DAB1: variants seen among roughly 807,000 people sequenced by gnomAD.
The protein encoded by DAB1 is DAB adaptor protein 1.
A neutral mutation model predicts 64.6 loss-of-function variants in DAB1; 15 were observed. That is an observed-to-expected ratio of 0.23 (90% CI 0.16 to 0.36). The LOEUF is 0.36. Among genes scored for constraint, DAB1 ranks in the 10% least tolerant of loss-of-function variants. DAB1 has a pLI of 1.00. For synonymous variants in DAB1, 235 were observed against 251.9 expected, an observed-to-expected ratio of 0.93 and a Z score of 0.64; for missense variants, 596 against 706.7, an observed-to-expected ratio of 0.84 and a Z score of 1.78.
chr1:57,078,006 T>TA (rs1279745066), intron 4 of DAB1, among the ~76,000 whole-genome samples: 1 of 152,134 alleles, frequency 6.6e-6, no homozygotes, highest in Non-Finnish European at 1.5e-5. Flanking sequence ...TACAAGCAAT[T>TA]ACAGTAGTTA....
rs145406819 is a variant in DAB1 at position 57,272,141 on chromosome 1, GCCAGCTTT to G, written c.67+18815_67+18822del. Among the ~76,000 whole-genome samples, 1,403 of 152,324 alleles carry G rather than the reference GCCAGCTTT, an allele frequency of 9.2e-3. 16 individuals carry two copies. The highest frequency in any genetic ancestry group is 0.032 in the African/African-American group (1,319 of 41,574). On this transcript the variant is annotated intron_variant, in intron 2 of 14. Transcript: ENST00000371236. The stretch of plus-strand genomic sequence containing the variant: ...TGCGGGGCTCCAAGCCCTCAGGAGA[GCCAGCTTT>G]CCAGATTGCTTTTTTCATGAGTGGG...
At chr1:57,596,139 T>C (rs1223659506) in intron 7 of DAB1, among the ~76,000 whole-genome samples, 2 of 152,214 alleles carry the variant, frequency 1.3e-5, no homozygotes, top group East Asian at 1.9e-4. Flanking sequence ...CTGGGAGGCA[T>C]AGACCCTCTC....
At chr1:58,371,820 G>A (rs1045373264) in intron 3 of DAB1, among the ~76,000 whole-genome samples, 1 of 152,210 alleles carries the variant, frequency 6.6e-6, no homozygotes, top group East Asian at 1.9e-4. Flanking sequence ...CAAGCTCCAA[G>A]CACTGCCAGC....
At chr1:58,496,337 T>C (rs1645801748) in intron 3 of DAB1, among the ~76,000 whole-genome samples, 1 of 152,190 alleles carries the variant, frequency 6.6e-6, no homozygotes, top group Non-Finnish European at 1.5e-5. Context: ...CTGAAATGGA[T>C]TTATCTTACA....
At chr1:57,620,085 C>A (rs2101614816) in intron 7 of DAB1, among the ~76,000 whole-genome samples, 1 of 152,266 alleles carries the variant, frequency 6.6e-6, no homozygotes, top group South Asian at 2.1e-4. Context: ...GATCCATGGT[C>A]ATTCCCTCCA....
chr1:58,193,856 A>G (rs965675684), intron 4 of DAB1, among the ~76,000 whole-genome samples: 1 of 146,118 alleles, frequency 6.8e-6, no homozygotes, highest in Non-Finnish European at 1.5e-5. Context: ...AACTCTGTCT[A>G]AAAAAAAAAA....
intron 5 of DAB1, among the ~76,000 whole-genome samples, chr1:57,987,866 C>T (rs533635727): frequency 1.3e-4 from 19 of 148,316 alleles, no homozygotes; most frequent in African/African-American, 4.2e-4. Flanking sequence ...TTCAGGAAAA[C>T]ACTGGTCGGT....
chr1:57,724,286 CG>C (rs1557444142), intron 6 of DAB1, among the ~76,000 whole-genome samples: 276 of 109,688 alleles, frequency 2.5e-3, no homozygotes, highest in South Asian at 0.012. Context: ...AAGGAAGGAA[CG>C]AAGGAAGGAA....
intron 5 of DAB1, among the ~76,000 whole-genome samples, chr1:58,069,380 G>C (rs1031527291): frequency 6.6e-6 from 1 of 152,154 alleles, no homozygotes; most frequent in African/African-American, 2.4e-5. Context: ...TTACTGTCCT[G>C]ATTTAATAAT....
At chr1:58,136,272 C>T (rs1653938845) in intron 5 of DAB1, among the ~76,000 whole-genome samples, 1 of 152,140 alleles carries the variant, frequency 6.6e-6, no homozygotes, top group Non-Finnish European at 1.5e-5. Flanking sequence ...CCACCCACCA[C>T]CCATATTTTC....
rs35389635 is a variant in DAB1, at chr1:57,035,833, C to CTTTTTTTTT, written c.724-9799_724-9791dup. Among the ~76,000 whole-genome samples the CTTTTTTTTT allele has an allele frequency of 3.2e-5, 2 of 61,886 alleles. 1 individual carries two copies. The highest frequency in any genetic ancestry group is 1.3e-4 in the African/African-American group (2 of 15,536). The allele number at this position is 61,886 out of a possible 152,430, so 40.6% of individuals were successfully genotyped here. A position where few individuals can be genotyped will look rare whatever the true frequency, so the allele number is the denominator to read the frequency against. The stretch of plus-strand genomic sequence containing the variant: ...GGCTCATTTCAGTAACGCACATGCA[C>CTTTTTTTTT]TTTTTTTTTTTTTTTTTTTTTTTTT... On this transcript the variant is annotated intron_variant, in intron 9 of 14. Transcript: ENST00000371236.
At chr1:57,428,968 A>T (rs1270602139), upstream of DAB1, among the ~76,000 whole-genome samples, 3 of 147,166 alleles carry the variant, frequency 2.0e-5, no homozygotes, top group Non-Finnish European at 4.5e-5. Flanking sequence ...TCTGGAGTGT[A>T]GTGGTACCAT....
chr1:57,768,509 C>T (rs1267271026), intron 6 of DAB1, among the ~76,000 whole-genome samples: 1 of 150,668 alleles, frequency 6.6e-6, no homozygotes, highest in Non-Finnish European at 1.5e-5. Context: ...CTATATACCA[C>T]ATAGTCACAT....
At chr1:58,528,088 T>G (rs2100467320) in intron 1 of DAB1, among the ~76,000 whole-genome samples, 1 of 152,382 alleles carries the variant, frequency 6.6e-6, no homozygotes, top group East Asian at 1.9e-4. Flanking sequence ...AATAATATAA[T>G]AAATCTGATA....
At chr1:58,189,808 T>C (rs1265128635) in intron 4 of DAB1, among the ~76,000 whole-genome samples, 1 of 152,202 alleles carries the variant, frequency 6.6e-6, no homozygotes, top group Non-Finnish European at 1.5e-5. Flanking sequence ...GGGAGATGGA[T>C]CAGTTCTTCT....
At chr1:57,191,062 G>A (rs1248314411) in intron 2 of DAB1, among the ~76,000 whole-genome samples, 2 of 152,154 alleles carry the variant, frequency 1.3e-5, no homozygotes, top group African/African-American at 4.8e-5. Flanking sequence ...ACAGCATAAA[G>A]TGAAATGGTG....
chr1:58,288,019 C>CAAAAA (rs763850453), intron 4 of DAB1, among the ~76,000 whole-genome samples: 6 of 21,976 alleles, frequency 2.7e-4, no homozygotes, highest in African/African-American at 4.2e-4. Flanking sequence ...AAGACTGCCT[C>CAAAAA]AAAAAAAAAA....
At chr1:57,120,296 C>A (rs1030514900) in intron 4 of DAB1, among the ~76,000 whole-genome samples, 8 of 152,028 alleles carry the variant, frequency 5.3e-5, no homozygotes, top group Admixed American at 4.6e-4. Context: ...TTCATTTATT[C>A]AACGTAACTG....
At chr1:57,998,545 G>A (rs527725684) in intron 5 of DAB1, among the ~76,000 whole-genome samples, 1 of 152,060 alleles carries the variant, frequency 6.6e-6, no homozygotes, top group Admixed American at 6.6e-5. Context: ...TGTATCTTTA[G>A]TAGAGACGGG....
Sources: gnomAD v4.1 joint callset for allele counts (sites outside exome capture counted in the v4.1 genomes callset) on GRCh38, gnomAD v4.1.1 for gene constraint, MANE v1.5 for transcripts, NCBI Gene and HGNC (gene_info 2026-07-23, HGNC 2026-07-21) for gene names.